The following PDSS2 variants were observed in gnomAD, a reference collection of about 807,000 sequenced individuals.
PDSS2 encodes all trans-polyprenyl-diphosphate synthase PDSS2.
A neutral mutation model predicts 44.5 loss-of-function variants in PDSS2; 31 were observed. The ratio of observed to expected loss-of-function variants is 0.70; its 90% CI spans 0.52 to 0.94. The LOEUF (loss-of-function observed/expected upper bound fraction) is 0.94, where lower values mean the gene tolerates loss of function less well. Among genes scored for constraint, PDSS2 ranks in the 40% least tolerant of loss-of-function variants. The pLI, the probability that PDSS2 is intolerant of heterozygous loss-of-function variation, is 0.00. For missense variants in PDSS2, 452 were observed against 482.2 expected (o/e 0.94, Z 0.59); for synonymous variants, 157 against 180.3 (o/e 0.87, Z 1.03).
intron 6 of PDSS2, among the ~76,000 whole-genome samples, chr6:107,209,907 T>C (rs1773137321): frequency 6.6e-6 from 1 of 152,164 alleles, no homozygotes; most frequent in South Asian, 2.1e-4. Flanking sequence ...AAGTTCCCTC[T>C]CATCTGCCAA....
At chr6:107,304,946 A>C (rs1474771974) in intron 2 of PDSS2, among the ~76,000 whole-genome samples, 1 of 144,230 alleles carries the variant, frequency 6.9e-6, no homozygotes, top group Non-Finnish European at 1.5e-5. Context: ...GGTGGTGGGC[A>C]ATACTTTCCT....
chr6:107,275,506 A>G (rs957519573), intron 2 of PDSS2, among the ~76,000 whole-genome samples: 11 of 152,146 alleles, frequency 7.2e-5, no homozygotes, highest in Admixed American at 7.2e-4. Context: ...GGACATCAAC[A>G]AACAGTACAC....
chr6:107,233,799 T>G (rs894121595), intron 4 of PDSS2, among the ~76,000 whole-genome samples: 5 of 151,704 alleles, frequency 3.3e-5, no homozygotes, highest in Admixed American at 6.6e-5. Context: ...GGTGACAGAG[T>G]GAGACCCTGT....
intron 6 of PDSS2, among the ~76,000 whole-genome samples, chr6:107,206,196 C>G (rs1014479072): frequency 6.6e-6 from 1 of 152,118 alleles, no homozygotes; most frequent in Non-Finnish European, 1.5e-5. Context: ...CTCAGCCTCC[C>G]GAGTAGCTGG....
chr6:107,268,002 A>G (rs1775466880), intron 3 of PDSS2, among the ~76,000 whole-genome samples: 2 of 152,196 alleles, frequency 1.3e-5, no homozygotes, highest in African/African-American at 2.4e-5. Flanking sequence ...TTTCTCCCTT[A>G]AATTCCGCAG....
chr6:107,301,860 G>A (rs1174853064), intron 2 of PDSS2, among the ~76,000 whole-genome samples: 1 of 145,156 alleles, frequency 6.9e-6, no homozygotes, highest in Non-Finnish European at 1.5e-5. Flanking sequence ...GGAGGTGGAG[G>A]TTGCAGTGAG....
intron 4 of PDSS2, among the ~76,000 whole-genome samples, chr6:107,222,751 G>T (rs1293062371): frequency 2.6e-5 from 4 of 151,834 alleles, no homozygotes. Context: ...ATAGCAATTG[G>T]ATTCCATTTT....
chr6:107,187,680 C>A (rs116691784), intron 7 of PDSS2, among the ~76,000 whole-genome samples: 1 of 150,772 alleles, frequency 6.6e-6, no homozygotes, highest in East Asian at 2.0e-4. Context: ...AAAAAAAAAA[C>A]CTCTTAAAAT....
At chr6:107,189,627 G>A (rs969874509) in intron 7 of PDSS2, among the ~76,000 whole-genome samples, 6 of 152,260 alleles carry the variant, frequency 3.9e-5, no homozygotes, top group Admixed American at 2.6e-4. Context: ...GTGAGCCACT[G>A]TGCCCGGCCC....
intron 1 of PDSS2, among the ~76,000 whole-genome samples, chr6:107,360,761 C>T (rs1778747583): frequency 6.6e-6 from 1 of 152,178 alleles, no homozygotes; most frequent in African/African-American, 2.4e-5. Flanking sequence ...CAAAGGGATG[C>T]CTACAGGCTG....
intron 6 of PDSS2, among the ~76,000 whole-genome samples, chr6:107,196,936 C>T (rs1772582948): frequency 6.6e-6 from 1 of 152,156 alleles, no homozygotes; most frequent in African/African-American, 2.4e-5. Flanking sequence ...TTCTGGGGAG[C>T]TGAACACATG....
At chr6:107,228,527 CTACTAAAAATACAAAAAAT>C (rs1773915658) in intron 4 of PDSS2, among the ~76,000 whole-genome samples, 1 of 152,048 alleles carries the variant, frequency 6.6e-6, no homozygotes, top group Non-Finnish European at 1.5e-5. Flanking sequence ...AACCCCGTCT[CTACTAAAAATACAAAAAAT>C]TAGCTGGGCG....
chr6:107,156,034 C>T lies in PDSS2; in HGVS notation c.1042-1257G>A, dbSNP rs199934373. ...CCACCTGAGTAGCTGGGATTACAGG[C>T]GCCTGCCACCACACCTGGCTAATTT... is the stretch of plus-strand genomic sequence containing the variant. On this transcript the variant is annotated intron_variant, in intron 7 of 7. Coordinates refer to ENST00000369037, the MANE Select transcript of PDSS2 (RefSeq NM_020381.4). 2.3e-3 allele frequency among the ~76,000 whole-genome samples: 345 copies of T among 149,016 alleles called. 1 individual carries two copies. The highest frequency in any genetic ancestry group is 3.7e-3 in the Non-Finnish European group (248 of 67,294).
At chr6:107,339,828 T>C (rs980183970) in intron 1 of PDSS2, among the ~76,000 whole-genome samples, 7 of 152,162 alleles carry the variant, frequency 4.6e-5, no homozygotes, top group Admixed American at 2.6e-4. Context: ...CCACCCAGGA[T>C]GAACAGACCA....
At chr6:107,241,492 GCCCACCACCACGC>G (rs1774429426) in intron 4 of PDSS2, among the ~76,000 whole-genome samples, 1 of 150,756 alleles carries the variant, frequency 6.6e-6, no homozygotes, top group Non-Finnish European at 1.5e-5. Flanking sequence ...GACTACAGGC[GCCCACCACCACGC>G]CCAGCTAATT....
chr6:107,451,606 A>G (rs1338821493), intron 1 of PDSS2, among the ~76,000 whole-genome samples: 1 of 152,038 alleles, frequency 6.6e-6, no homozygotes, highest in Non-Finnish European at 1.5e-5. Flanking sequence ...AGCAGAGCAT[A>G]TTCTATATGG....
At chr6:107,258,981 A>G (rs564931960) in intron 3 of PDSS2, among the ~76,000 whole-genome samples, 11 of 152,318 alleles carry the variant, frequency 7.2e-5, no homozygotes, top group African/African-American at 2.4e-4. Context: ...TTAGTAAAGC[A>G]TGAGGATTTT....
intron 2 of PDSS2, among the ~76,000 whole-genome samples, chr6:107,280,224 TAA>T (rs1198808233): frequency 1.4e-4 from 22 of 152,124 alleles, no homozygotes; most frequent in African/African-American, 5.1e-4. Context: ...GATGTCCAGC[TAA>T]GTTTTTTGTA....
intron 7 of PDSS2, among the ~76,000 whole-genome samples, chr6:107,174,706 A>AG (rs1293821793): frequency 6.6e-6 from 1 of 152,208 alleles, no homozygotes; most frequent in African/African-American, 2.4e-5. Flanking sequence ...ATAGGAAAAA[A>AG]AATTCACCGA....
Sources: gnomAD v4.1 joint callset for allele counts (sites outside exome capture counted in the v4.1 genomes callset) on GRCh38, gnomAD v4.1.1 for gene constraint, MANE v1.5 for transcripts, NCBI Gene and HGNC (gene_info 2026-07-23, HGNC 2026-07-21) for gene names.